Variants in GAN observed in about 807,000 individuals in gnomAD.
The protein encoded by GAN is gigaxonin, also known as epididymis secretory sperm binding protein.
Under a neutral mutation model 71.3 loss-of-function variants are expected in GAN, and 48 were observed. The observed-to-expected ratio is 0.67, with a 90% confidence interval of 0.53 to 0.86. The LOEUF (loss-of-function observed/expected upper bound fraction) is 0.86, where lower values mean the gene tolerates loss of function less well. Among genes scored for constraint, GAN ranks in the 40% least tolerant of loss-of-function variants. GAN has a pLI of 0.00. For synonymous variants in GAN, 386 were observed against 276.8 expected, an observed-to-expected ratio of 1.39 and a Z score of -3.92; for missense variants, 928 against 770.1, an observed-to-expected ratio of 1.21 and a Z score of -2.43.
At chr16:81,330,191 C>G (rs936567573) in intron 1 of GAN, among the ~76,000 whole-genome samples, 2 of 152,244 alleles carry the variant, frequency 1.3e-5, no homozygotes, top group East Asian at 1.9e-4. Flanking sequence ...GTCTGCCTCC[C>G]TGCTCAGCCC....
At position 81,390,274 on chromosome 16, in the gene GAN, T is replaced by A. The variant is rs1393543303; in HGVS notation, c.*12678T>A. On this transcript the variant is annotated 3_prime_UTR_variant, in exon 11 of 11. Coordinates refer to ENST00000648994, the MANE Select transcript of GAN (RefSeq NM_022041.4). ...GTGCTAAGTTGATTTCATTGAAATG[T>A]CACGTCTCACATCCTGTGGTCCAAA... 6.6e-6 allele frequency: 1 copy of A among 152,252 alleles called. No homozygotes were observed. The allele number at this position is 152,252 out of a possible 1,614,324, so 9.4% of individuals were successfully genotyped here.
chr16:81,373,837 G>C (rs2150696673), intron 9 of GAN, among the ~76,000 whole-genome samples: 1 of 152,284 alleles, frequency 6.6e-6, no homozygotes, highest in Non-Finnish European at 1.5e-5. Flanking sequence ...CCGCCTCCTG[G>C]GTTCAAGTGA....
rs1036479785 is a variant in GAN at position 81,380,882 on chromosome 16, A to G, written c.*3286A>G. 1 of 152,192 alleles carries G rather than the reference A, an allele frequency of 6.6e-6. No homozygotes were observed. Among genetic ancestry groups the G allele is most frequent in the African/African-American group, 2.4e-5 (1 of 41,458 alleles). 9.4% of individuals were successfully genotyped at this position (152,192 alleles called of 1,614,324 possible). On this transcript the variant is annotated 3_prime_UTR_variant, in exon 11 of 11. Transcript: ENST00000648994. Reference sequence around the variant, plus strand: ...TTCTGAATGCATTGTTTAGCTTAGTACTTCATTGCTGTAAGGAATTGATAG... The same window carrying G: ...TTCTGAATGCATTGTTTAGCTTAGTGCTTCATTGCTGTAAGGAATTGATAG...
At chr16:81,358,363 C>T (rs1910560372) in intron 5 of GAN, among the ~76,000 whole-genome samples, 1 of 151,928 alleles carries the variant, frequency 6.6e-6, no homozygotes, top group South Asian at 2.1e-4. Context: ...ACCTGTAATC[C>T]CCGCAGTTTA....
In GAN at chr16:81,359,267, A is replaced by G. The variant is rs149105472; in HGVS notation, c.973+1336A>G. ...ACACGTCTGTCACAAAGGCTCCTAT[A>G]TGACTAATATTTGAAAGTTTGCTAG... On this transcript the variant is annotated intron_variant, in intron 5 of 10. Transcript: ENST00000648994. 3.3e-3 allele frequency among the ~76,000 whole-genome samples: 503 copies of G among 152,312 alleles called. 3 individuals carry two copies. Among genetic ancestry groups the G allele is most frequent in the African/African-American group, 0.011 (475 of 41,570 alleles).
chr16:81,365,115 G>A lies in GAN; in HGVS notation c.1373+5G>A, dbSNP rs370881573. On this transcript the variant is annotated splice_donor_5th_base_variant and intron_variant, in intron 8 of 10. Coordinates refer to ENST00000648994, the MANE Select transcript of GAN (RefSeq NM_022041.4). ...ATGTCCACTAAAAGAGAGGAGGTAC[G>A]TGGCTGTGGGGTGGACTTTGTAGAT... is the stretch of plus-strand genomic sequence containing the variant. 100 of 1,613,254 alleles carry A rather than the reference G, an allele frequency of 6.2e-5. No individual in the cohort carries two copies. Among genetic ancestry groups the A allele is most frequent in the South Asian group, 1.1e-4 (10 of 91,034 alleles).
At position 81,357,818 on chromosome 16, in the gene GAN, A is replaced by G; in HGVS notation, c.860A>G (p.Lys287Arg). The G allele has an allele frequency of 6.2e-7, 1 of 1,613,624 alleles. No individual in the cohort carries two copies. Among genetic ancestry groups the G allele is most frequent in the Non-Finnish European group, 8.5e-7 (1 of 1,179,514 alleles). The change falls in exon 5 of 11, where the codon AAA (lysine) becomes AGA (arginine). Residue 287 changes from lysine to arginine, a missense_variant. Transcript: ENST00000648994. ...TVGGEERVSR[K>R]PTAAMRCMCP... ...CTTATTTACTTCCTTAGTTCACGGA[A>G]ACCCACAGCAGCGATGCGATGCATG...
intron 1 of GAN, among the ~76,000 whole-genome samples, chr16:81,336,148 G>A (rs138583214): frequency 1.3e-4 from 20 of 152,310 alleles, no homozygotes; most frequent in African/African-American, 4.8e-4. Flanking sequence ...TCATGGAGCT[G>A]TATGGAGGGC....
At chr16:81,375,802 T>TG (rs764451766) in intron 9 of GAN, among the ~76,000 whole-genome samples, 2 of 150,746 alleles carry the variant, frequency 1.3e-5, no homozygotes, top group South Asian at 4.2e-4. Flanking sequence ...CTCATCTCTA[T>TG]GGAAAAAAAA....
At chr16:81,335,106 C>G (rs1567483182) in intron 1 of GAN, among the ~76,000 whole-genome samples, 1 of 123,736 alleles carries the variant, frequency 8.1e-6, no homozygotes, top group Non-Finnish European at 1.6e-5. Flanking sequence ...GTTATTGGAG[C>G]AGAGAACTGG....
chr16:81,323,651 G>A (rs1909287770), intron 1 of GAN, among the ~76,000 whole-genome samples: 1 of 152,148 alleles, frequency 6.6e-6, no homozygotes, highest in African/African-American at 2.4e-5. Flanking sequence ...TGTTGTTTAG[G>A]GAGTTGATTA....
chr16:81,368,871 T>C (rs1910947671), intron 9 of GAN, among the ~76,000 whole-genome samples: 1 of 152,000 alleles, frequency 6.6e-6, no homozygotes, highest in Non-Finnish European at 1.5e-5. Flanking sequence ...TTGCTCAGAG[T>C]TTTTGATTGC....
At chr16:81,345,703 A>C (rs1294166436) in intron 1 of GAN, among the ~76,000 whole-genome samples, 2 of 152,186 alleles carry the variant, frequency 1.3e-5, no homozygotes, top group Admixed American at 1.3e-4. Flanking sequence ...GTGTAACAAA[A>C]TTGTACGTTC....
chr16:81,344,645 A>T (rs1434107398), intron 1 of GAN, among the ~76,000 whole-genome samples: 1 of 152,212 alleles, frequency 6.6e-6, no homozygotes, highest in Non-Finnish European at 1.5e-5. Context: ...AAGACCTAGG[A>T]CCATAAAAAT....
intron 1 of GAN, among the ~76,000 whole-genome samples, chr16:81,343,837 T>G (rs1320495543): frequency 6.6e-6 from 1 of 152,242 alleles, no homozygotes; most frequent in Admixed American, 6.5e-5. Flanking sequence ...TGTCTCTGTT[T>G]GCAGATGACA....
At chr16:81,339,343 A>G (rs1909867622) in intron 1 of GAN, among the ~76,000 whole-genome samples, 1 of 152,196 alleles carries the variant, frequency 6.6e-6, no homozygotes, top group African/African-American at 2.4e-5. Context: ...ACAGTTATTA[A>G]ACGTTCTTCC....
rs1904289453 is a variant in GAN, at chr16:81,378,384, T to G, written c.*788T>G. 6.6e-6 allele frequency: 1 copy of G among 152,240 alleles called. No individual in the cohort carries two copies. Among genetic ancestry groups the G allele is most frequent in the African/African-American group, 2.4e-5 (1 of 41,434 alleles). 9.4% of individuals were successfully genotyped at this position (152,240 alleles called of 1,614,324 possible). A position where few individuals can be genotyped will look rare whatever the true frequency, so the allele number is the denominator to read the frequency against. ...CGGGAAGGGTCTCCTGCAGTGCCAT[T>G]CTGCCTTCTCAATGAGCAAAACCAT... On this transcript the variant is annotated 3_prime_UTR_variant, in exon 11 of 11. Coordinates refer to ENST00000648994, the MANE Select transcript of GAN (RefSeq NM_022041.4).
Position 81,379,878 on chromosome 16 carries a change from A to G in GAN, c.*2282A>G, listed in dbSNP as rs999813357. 6.6e-6 allele frequency: 1 copy of G among 151,564 alleles called. No individual in the cohort carries two copies. The highest frequency in any genetic ancestry group is 2.4e-5 in the African/African-American group (1 of 41,200). 9.4% of individuals were successfully genotyped at this position (151,564 alleles called of 1,614,324 possible). ...GTGTTCCTCTTGCAATATTATCAGT[A>G]CCTGCATGACTTGGTAAATTCATTT... On this transcript the variant is annotated 3_prime_UTR_variant, in exon 11 of 11. Transcript: ENST00000648994.
chr16:81,347,544 G>A (rs1910159061), intron 1 of GAN, among the ~76,000 whole-genome samples: 1 of 151,814 alleles, frequency 6.6e-6, no homozygotes, highest in Non-Finnish European at 1.5e-5. Flanking sequence ...TTGTTTTTTT[G>A]GGGCACATTT....
Sources: gnomAD v4.1 joint callset for allele counts (sites outside exome capture counted in the v4.1 genomes callset) on GRCh38, gnomAD v4.1.1 for gene constraint, MANE v1.5 for transcripts, NCBI Gene and HGNC (gene_info 2026-07-23, HGNC 2026-07-21) for gene names.